The following DNAH14 variants were observed in gnomAD, a reference collection of about 807,000 sequenced individuals.
DNAH14 encodes the protein axonemal beta dynein heavy chain 14.
A neutral mutation model predicts 520.9 loss-of-function variants in DNAH14; 478 were observed. That is an observed-to-expected ratio of 0.92 (90% CI 0.85 to 0.99). DNAH14 has a LOEUF of 0.99. Among genes scored for constraint, DNAH14 ranks in the 50% least tolerant of loss-of-function variants. The probability of loss-of-function intolerance (pLI) is 0.00; values close to 1 mark genes in which losing one functional copy is unlikely to be tolerated. For synonymous variants in DNAH14, 1,581 were observed against 1,757.2 expected (o/e 0.90, Z 2.51); for missense variants, 4,831 against 5,234.5 (o/e 0.92, Z 2.38).
chr1:225,175,781 G>A (rs1170346629), intron 36 of DNAH14, among the ~76,000 whole-genome samples: 1 of 140,280 alleles, frequency 7.1e-6, no homozygotes, highest in Non-Finnish European at 1.5e-5. Context: ...TCAGCTCACT[G>A]CTGAGACTTA....
At chr1:225,390,228 TTGACTC>T (rs1293119744) in intron 83 of DNAH14, among the ~76,000 whole-genome samples, 8 of 152,174 alleles carry the variant, frequency 5.3e-5, no homozygotes, top group African/African-American at 1.9e-4. Context: ...CTTCACAAGA[TTGACTC>T]TGAGCTTCAG....
rs150448881 is a variant in DNAH14 at position 225,106,527 on chromosome 1, G to A, written c.3867+5643G>A. Among the ~76,000 whole-genome samples the A allele has an allele frequency of 2.7e-3, 409 of 152,282 alleles. 1 individual carries two copies. Among genetic ancestry groups the A allele is most frequent in the African/African-American group, 9.5e-3 (395 of 41,576 alleles). Reference sequence around the variant, plus strand: ...TTACTTTCAGGTACACCAATCAGACGTAGATTTGGTCTTTTCACATAGTCC... The same window carrying A: ...TTACTTTCAGGTACACCAATCAGACATAGATTTGGTCTTTTCACATAGTCC... On this transcript the variant is annotated intron_variant, in intron 23 of 85. Transcript: ENST00000682510.
Position 225,271,922 on chromosome 1 carries a change from A to T in DNAH14, c.7688A>T (p.Tyr2563Phe). The T allele has an allele frequency of 6.5e-7, 1 of 1,539,912 alleles. No homozygotes were observed. Among genetic ancestry groups the T allele is most frequent in the African/African-American group, 1.4e-5 (1 of 72,396 alleles). The change falls in exon 51 of 86, where the codon TAT becomes TTT. Residue 2563 changes from tyrosine to phenylalanine, a missense_variant. Physicochemically the swap from Tyr to Phe is conservative, Grantham distance 22 (BLOSUM62 3). Coordinates refer to ENST00000682510, the MANE Select transcript of DNAH14 (RefSeq NM_001367479.1). ...CTIFQAHLGI[Y>F]FSINNFTPEV... Reference sequence around the variant, plus strand: ...TTTTTAAAGGCTCATTTGGGAATTTATTTCTCCATCAATAACTTCACACCT... The same window carrying T: ...TTTTTAAAGGCTCATTTGGGAATTTTTTTCTCCATCAATAACTTCACACCT...
intron 85 of DNAH14, among the ~76,000 whole-genome samples, 167 bp downstream of exon 85, chr1:225,398,833 G>C (rs1011232866): frequency 6.6e-6 from 1 of 152,112 alleles, no homozygotes; most frequent in East Asian, 1.9e-4. Context: ...ATCTAAAGTA[G>C]ATGCTATACT....
intron 79 of DNAH14, 102 bp from the exon 80 acceptor site, chr1:225,380,057 T>C: frequency 7.9e-7 from 1 of 1,265,226 alleles, no homozygotes; most frequent in Non-Finnish European, 1.1e-6. Context: ...ACACTAAACA[T>C]ATTCCTCCTG....
intron 43 of DNAH14, among the ~76,000 whole-genome samples, chr1:225,251,427 G>T (rs906041885): frequency 4.6e-5 from 7 of 152,088 alleles, no homozygotes; most frequent in Non-Finnish European, 8.8e-5. Context: ...GCCCACCTTG[G>T]CCTCCCAAAG....
At chr1:225,355,658 G>T (rs2095421561) in intron 73 of DNAH14, among the ~76,000 whole-genome samples, 1 of 152,004 alleles carries the variant, frequency 6.6e-6, no homozygotes, top group Non-Finnish European at 1.5e-5. Flanking sequence ...ATAAATATCA[G>T]ATTTTTTAAA....
chr1:225,333,145 T>C (rs1201568493), intron 65 of DNAH14, 146 bp from the exon 66 acceptor site: 4 of 637,732 alleles, frequency 6.3e-6, no homozygotes, highest in African/African-American at 3.6e-5. Context: ...TTTTCAATAT[T>C]ATCCATTATT....
chr1:225,268,299 C>T (rs1439702151), intron 49 of DNAH14, among the ~76,000 whole-genome samples: 1 of 152,154 alleles, frequency 6.6e-6, no homozygotes, highest in Non-Finnish European at 1.5e-5. Context: ...TAAACACTCT[C>T]AATAAATTAG....
rs1242170250 is a variant in DNAH14 at position 225,334,880 on chromosome 1, ATATATGTG to A, written c.10080+1376_10080+1383del. Among the ~76,000 whole-genome samples, 5 of 122,384 alleles carry A rather than the reference ATATATGTG, an allele frequency of 4.1e-5. No individual in the cohort carries two copies. In the East Asian group the frequency reaches 1.2e-3, roughly 29 times the overall value. The allele number at this position is 122,384 out of a possible 152,430, so 80.3% of individuals were successfully genotyped here. ...CAAGTCTCTGTCTCTCTCTCTACAT[ATATATGTG>A]TGTGTGTGTGTGTGTGTGTGTATAT... On this transcript the variant is annotated intron_variant, in intron 66 of 85. Transcript: ENST00000682510.
rs2067624017 is a variant in DNAH14 at position 225,043,115 on chromosome 1, G to T, written c.1768+1G>T. The T allele has an allele frequency of 1.9e-6, 3 of 1,548,366 alleles. No individual in the cohort carries two copies. Among genetic ancestry groups the T allele is most frequent in the Non-Finnish European group, 2.6e-6 (3 of 1,146,204 alleles). On this transcript the variant is annotated splice_donor_variant, in intron 13 of 85. Transcript: ENST00000682510. LOFTEE classifies it high-confidence loss of function. ...TACAATCTTGAAGATATTATTTCAGGTAAGACAATTGAGACTATAAAGAAT... is the reference window on the plus strand; with the variant it reads ...TACAATCTTGAAGATATTATTTCAGTTAAGACAATTGAGACTATAAAGAAT...
chr1:225,363,580 T>C (rs2095518336), intron 75 of DNAH14, among the ~76,000 whole-genome samples: 1 of 152,202 alleles, frequency 6.6e-6, no homozygotes, highest in South Asian at 2.1e-4. Flanking sequence ...TTGTCTTTCG[T>C]AACTTTGATA....
chr1:225,113,243 C>A (rs2076614873), intron 23 of DNAH14, among the ~76,000 whole-genome samples: 1 of 152,142 alleles, frequency 6.6e-6, no homozygotes, highest in Admixed American at 6.5e-5. Flanking sequence ...GACAAGGTAC[C>A]ACCTTGGTGG....
In DNAH14 at chr1:225,051,477, T is replaced by C. The variant is rs1316060930; in HGVS notation, c.2106T>C (p.Gly702=). The change falls in exon 17 of 86, where the codon GGT becomes GGC. Residue 702 remains glycine (G), a synonymous_variant. Coordinates refer to ENST00000682510, the MANE Select transcript of DNAH14 (RefSeq NM_001367479.1). ...NIIVNLLTII[G]NSMGLVNAYS... ...TTGTGAATCTCCTGACTATTATTGG[T>C]AATTCAATGGGCCTAGTTAATGCTT... 4.0e-6 allele frequency: 6 copies of C among 1,516,298 alleles called. No homozygotes were observed. In the African/African-American group the frequency reaches 8.4e-5, roughly 21 times the overall value. The allele number at this position is 1,516,298 out of a possible 1,614,324, so 93.9% of individuals were successfully genotyped here.
chr1:225,300,292 T>A (rs1197447609), intron 55 of DNAH14, among the ~76,000 whole-genome samples: 1 of 152,204 alleles, frequency 6.6e-6, no homozygotes, highest in Non-Finnish European at 1.5e-5. Flanking sequence ...ATACCTCTTT[T>A]CTCAGTGCCT....
At chr1:225,350,856 G>A (rs1457506739) in intron 71 of DNAH14, among the ~76,000 whole-genome samples, 1 of 151,968 alleles carries the variant, frequency 6.6e-6, no homozygotes, top group Non-Finnish European at 1.5e-5. Context: ...TCAAAAAATT[G>A]AAGAGACAGA....
At chr1:225,073,687 G>C (rs557493706) in intron 17 of DNAH14, among the ~76,000 whole-genome samples, 102 of 151,960 alleles carry the variant, frequency 6.7e-4, no homozygotes, top group African/African-American at 2.3e-3. Context: ...GTTTGTTTTT[G>C]TTTTTGTTTT....
chr1:224,972,987 G>T (rs34910401), intron 7 of DNAH14, among the ~76,000 whole-genome samples: 3 of 152,056 alleles, frequency 2.0e-5, no homozygotes, highest in Admixed American at 2.0e-4. Context: ...CTATCACTGG[G>T]TTCCCCTCTG....
At chr1:225,009,957 CTT>C (rs1438865808) in intron 10 of DNAH14, among the ~76,000 whole-genome samples, 6 of 152,158 alleles carry the variant, frequency 3.9e-5, no homozygotes, top group South Asian at 2.1e-4. Flanking sequence ...TATCCTGAGA[CTT>C]TGCTGAAGTT....
Sources: allele counts gnomAD v4.1 joint callset (sites outside exome capture counted in the v4.1 genomes callset), GRCh38; gene constraint gnomAD v4.1.1; transcripts MANE v1.5; gene names NCBI Gene and HGNC (gene_info 2026-07-23, HGNC 2026-07-21).